The following C11orf54 variants were observed in gnomAD, a reference collection of about 807,000 sequenced individuals.
C11orf54 encodes the protein beta-keto-L-gulonate decarboxylase, also known as beta-keto L-gulonate decarboxylase.
Under a neutral mutation model 35.5 loss-of-function variants are expected in C11orf54, and 29 were observed. The ratio of observed to expected loss-of-function variants is 0.82; its 90% CI spans 0.61 to 1.11. C11orf54 has a LOEUF of 1.11. Among genes scored for constraint, C11orf54 ranks in the 50% most tolerant of loss-of-function variants. C11orf54 has a pLI of 0.00. For missense variants in C11orf54, 373 were observed against 369.2 expected (o/e 1.01, Z -0.08); for synonymous variants, 108 against 121.1 (o/e 0.89, Z 0.71).
Position 93,753,936 on chromosome 11 carries a change from G to T in C11orf54, c.229G>T (p.Val77Phe), listed in dbSNP as rs1163563446. ...AATAATATTTTTTCCTCTTCTATAG[G>T]TTTATGATCTGAATAAAATTGCAAA... Reference protein sequence around the residue: ...YLLPLVNQKKVYDLNKIAKEI... With the variant: ...YLLPLVNQKKFYDLNKIAKEI... Residue 77 changes from valine (V) to phenylalanine (F), a missense_variant and splice_region_variant, in exon 5 of 9, where the codon GTT becomes TTT. Transcript: ENST00000354421. 2 of 1,613,364 alleles carry T rather than the reference G, an allele frequency of 1.2e-6. No individual in the cohort carries two copies. The highest frequency in any genetic ancestry group is 1.7e-5 in the Admixed American group (1 of 59,986).
At chr11:93,759,350 A>G (rs1403462772) in intron 7 of C11orf54, among the ~76,000 whole-genome samples, 1 of 152,246 alleles carries the variant, frequency 6.6e-6, no homozygotes, top group Non-Finnish European at 1.5e-5. Flanking sequence ...TTTCAGGGAC[A>G]TGGATGAAGC....
At position 93,753,713 on chromosome 11, in the gene C11orf54, T is replaced by C; in HGVS notation, c.186T>C (p.Val62=). 1.2e-6 allele frequency: 2 copies of C among 1,614,050 alleles called. No homozygotes were observed. The highest frequency in any genetic ancestry group is 1.3e-5 in the African/African-American group (1 of 75,054). Residue 62 remains valine (V), a synonymous_variant, in exon 4 of 9, where the codon GTT becomes GTC. Coordinates refer to ENST00000354421, the MANE Select transcript of C11orf54 (RefSeq NM_001286069.2). ...GICGKTRIAE[V]GGVPYLLPLV... is the part of the protein sequence containing the mutation. Reference sequence around the variant, plus strand: ...GTGGGAAAACTAGAATTGCAGAAGTTGGAGGTGTGCCTTACTTATTGCCTC... The same window carrying C: ...GTGGGAAAACTAGAATTGCAGAAGTCGGAGGTGTGCCTTACTTATTGCCTC...
At chr11:93,748,050 C>T (rs1007352367) in intron 2 of C11orf54, among the ~76,000 whole-genome samples, 3 of 152,196 alleles carry the variant, frequency 2.0e-5, no homozygotes, top group African/African-American at 7.2e-5. Context: ...TATTTAACAA[C>T]CTCTAGGTTC....
Position 93,750,406 on chromosome 11 carries a change from C to G in C11orf54, c.116C>G (p.Pro39Arg), listed in dbSNP as rs755304988. 8 of 1,613,796 alleles carry G rather than the reference C, an allele frequency of 5.0e-6. No individual in the cohort carries two copies. The highest frequency in any genetic ancestry group is 6.8e-6 in the Non-Finnish European group (8 of 1,179,858). The change falls in exon 3 of 9, where the codon CCT becomes CGT. Residue 39 changes from proline to arginine, a missense_variant. Transcript: ENST00000354421. ...ADVQVSVVDC[P>R]DLTKEPFTFP... ...GTCCAGGTCTCTGTAGTTGATTGCC[C>G]TGATTTGACTAAGGAACCCTTTACC...
At position 93,752,000 on chromosome 11, in the gene C11orf54, C is replaced by T. The variant is rs138889507; in HGVS notation, c.154+1556C>T. ...TAGCTAGGATTACAGGTGTGCACCA[C>T]GACACCTGGCTAATTTTTGTATTTT... On this transcript the variant is annotated intron_variant, in intron 3 of 8. Coordinates refer to ENST00000354421, the MANE Select transcript of C11orf54 (RefSeq NM_001286069.2). Among the ~76,000 whole-genome samples the T allele has an allele frequency of 6.3e-3, 962 of 151,508 alleles. 14 individuals are homozygous for T. Among genetic ancestry groups the T allele is most frequent in the African/African-American group, 0.022 (895 of 41,306 alleles).
At position 93,754,035 on chromosome 11, in the gene C11orf54, G is replaced by A. The variant is rs552682489; in HGVS notation, c.328G>A (p.Glu110Lys). 2.6e-4 allele frequency: 417 copies of A among 1,612,890 alleles called. 7 individuals are homozygous for A. In the South Asian group the frequency reaches 4.4e-3, roughly 17 times the overall value. The change falls in exon 5 of 9, where the codon GAG (glutamate) becomes AAG (lysine). Residue 110 changes from glutamate to lysine, a missense_variant and splice_region_variant. Glu to Lys is a moderately conservative substitution (Grantham distance 56, BLOSUM62 1). Transcript: ENST00000354421. ...GPFQTLGFNS[E>K]FMPVIQTESE... ...ATTTCAGACTCTCGGGTTCAATTCT[G>A]AGGTCAGCATATATAAGAAAATTAT...
Position 93,761,819 on chromosome 11 carries a change from C to T in C11orf54, c.*131C>T. On this transcript the variant is annotated 3_prime_UTR_variant, in exon 9 of 9. Coordinates refer to ENST00000354421, the MANE Select transcript of C11orf54 (RefSeq NM_001286069.2). The stretch of plus-strand genomic sequence containing the variant: ...GCACAATGGCTCATGCCTATAATCC[C>T]AGCACTTTGGGAGGCTGAGGCAGGA... 1.1e-6 allele frequency: 1 copy of T among 899,316 alleles called. No homozygotes were observed. The highest frequency in any genetic ancestry group is 1.5e-6 in the Non-Finnish European group (1 of 660,606). 55.7% of individuals were successfully genotyped at this position (899,316 alleles called of 1,614,324 possible). A position where few individuals can be genotyped will look rare whatever the true frequency, so the allele number is the denominator to read the frequency against.
chr11:93,761,510 C>G lies in C11orf54; in HGVS notation c.775-5C>G. 6.3e-7 allele frequency: 1 copy of G among 1,599,780 alleles called. No individual in the cohort carries two copies. Among genetic ancestry groups the G allele is most frequent in the African/African-American group, 1.3e-5 (1 of 74,368 alleles). On this transcript the variant is annotated splice_region_variant and splice_polypyrimidine_tract_variant and intron_variant, in intron 8 of 8. Transcript: ENST00000354421. ...TACTAACATATTGTTTGTCTGTTAT[C>G]TTAGGGGTTTGATTTGCGACTGGAG...
Position 93,748,768 on chromosome 11 carries a change from A to G in C11orf54, c.55+1320A>G, listed in dbSNP as rs556777685. On this transcript the variant is annotated intron_variant, in intron 2 of 8. Coordinates refer to ENST00000354421, the MANE Select transcript of C11orf54 (RefSeq NM_001286069.2). ...CAAGAATCACTTGAACCTGGGAGGC[A>G]GAAGTTACGTTGAGCCAAGATCGCG... Among the ~76,000 whole-genome samples, 130 of 151,966 alleles carry G rather than the reference A, an allele frequency of 8.6e-4. 2 individuals are homozygous for G. The highest frequency in any genetic ancestry group is 3.0e-3 in the African/African-American group (124 of 41,436).
chr11:93,743,694 G>C (rs7943525), intron 1 of C11orf54, among the ~76,000 whole-genome samples: 84,290 of 152,076 alleles, frequency 0.55, 24,775 homozygotes, highest in Admixed American at 0.69. Flanking sequence ...AACCTGTCAT[G>C]GTTGTGAAAA....
rs1306948407 is a variant in C11orf54, at chr11:93,746,110, A to G, written c.-97-1187A>G. The G allele has an allele frequency of 2.6e-5, 4 of 152,368 alleles. No homozygotes were observed. In the East Asian group the frequency reaches 7.7e-4, roughly 29 times the overall value. The allele number at this position is 152,368 out of a possible 1,614,324, so 9.4% of individuals were successfully genotyped here. A position where few individuals can be genotyped will look rare whatever the true frequency, so the allele number is the denominator to read the frequency against. ...TAAATATAACATCCTAAATGTTTGC[A>G]ATAGAATGATTATAGAGGATATGTT... On this transcript the variant is annotated intron_variant, in intron 1 of 8. Transcript: ENST00000354421.
chr11:93,757,846 AGTATG>A (rs1943236740), intron 7 of C11orf54, among the ~76,000 whole-genome samples: 1 of 152,214 alleles, frequency 6.6e-6, no homozygotes, highest in Non-Finnish European at 1.5e-5. Context: ...AGGATTGTAA[AGTATG>A]TGTTGGGAAT....
chr11:93,755,393 G>C lies in C11orf54; in HGVS notation c.507+7G>C, dbSNP rs367758301. 1.9e-6 allele frequency: 3 copies of C among 1,611,912 alleles called. No individual in the cohort carries two copies. The African/African-American group carries it at 4.0e-5, about 22-fold the overall frequency. ...TGAAGGCCAACCTGGCAAGGTGATT[G>C]TGTCCATAAAAATACAATATTCCCT... On this transcript the variant is annotated splice_region_variant and intron_variant, in intron 6 of 8. Coordinates refer to ENST00000354421, the MANE Select transcript of C11orf54 (RefSeq NM_001286069.2).
intron 8 of C11orf54, among the ~76,000 whole-genome samples, chr11:93,760,477 T>G (rs1307828029): frequency 6.6e-6 from 1 of 151,370 alleles, no homozygotes. Flanking sequence ...ACCCAGAAGT[T>G]TGAGACCAGC....
At chr11:93,746,449 C>G (rs142799364) in intron 1 of C11orf54, 49 of 152,316 alleles carry the variant, frequency 3.2e-4, no homozygotes, top group African/African-American at 1.1e-3. Flanking sequence ...TTATCTCCCT[C>G]TGGTTGCATA....
Position 93,762,636 on chromosome 11 carries a change from A to T in C11orf54, c.*948A>T, listed in dbSNP as rs1377743312. The T allele has an allele frequency of 6.6e-6, 1 of 152,286 alleles. No individual in the cohort carries two copies. The highest frequency in any genetic ancestry group is 6.5e-5 in the Admixed American group (1 of 15,286). The allele number at this position is 152,286 out of a possible 1,614,324, so 9.4% of individuals were successfully genotyped here. ...TTAAAATGTTTCTTAAATAAAAAAA[A>T]CACAAACATTAGCAACTAGTTGGCT... On this transcript the variant is annotated 3_prime_UTR_variant, in exon 9 of 9. Transcript: ENST00000354421.
In C11orf54 at chr11:93,762,596, C is replaced by A. The variant is rs371012093; in HGVS notation, c.*908C>A. The A allele has an allele frequency of 6.6e-6, 1 of 152,124 alleles. No homozygotes were observed. Among genetic ancestry groups the A allele is most frequent in the East Asian group, 1.9e-4 (1 of 5,196 alleles). The allele number at this position is 152,124 out of a possible 1,614,324, so 9.4% of individuals were successfully genotyped here. A position where few individuals can be genotyped will look rare whatever the true frequency, so the allele number is the denominator to read the frequency against. The stretch of plus-strand genomic sequence containing the variant: ...AACCAGCCTGGGCACCATGGTGAGA[C>A]CCCATCTCTATTATTTAAAATGTTT... On this transcript the variant is annotated 3_prime_UTR_variant, in exon 9 of 9. Transcript: ENST00000354421.
At chr11:93,745,305 G>A (rs192358446) in intron 1 of C11orf54, among the ~76,000 whole-genome samples, 7 of 152,154 alleles carry the variant, frequency 4.6e-5, no homozygotes, top group East Asian at 1.9e-4. Flanking sequence ...CTGTCTCAGT[G>A]GGGGGAATTC....
At chr11:93,759,072 T>G (rs1177086200) in intron 7 of C11orf54, among the ~76,000 whole-genome samples, 1 of 152,218 alleles carries the variant, frequency 6.6e-6, no homozygotes, top group African/African-American at 2.4e-5. Context: ...GAGTGTAAAT[T>G]AGTTCAACCA....
Sources: allele counts gnomAD v4.1 joint callset (sites outside exome capture counted in the v4.1 genomes callset), GRCh38; gene constraint gnomAD v4.1.1; transcripts MANE v1.5; gene names NCBI Gene and HGNC (gene_info 2026-07-23, HGNC 2026-07-21).